Variants in DYM observed in about 807,000 individuals in gnomAD.
DYM encodes the protein dymeclin, also known as dyggve-Melchior-Clausen syndrome protein.
A neutral mutation model predicts 93.1 loss-of-function variants in DYM; 78 were observed. That is an observed-to-expected ratio of 0.84 (90% CI 0.70 to 1.01). DYM has a LOEUF of 1.01. Ranked by LOEUF, DYM falls within the 50% of genes least tolerant of loss-of-function variation. DYM has a pLI of 0.00. For synonymous variants in DYM, 321 were observed against 319.7 expected, an observed-to-expected ratio of 1.00 and a Z score of -0.04; for missense variants, 789 against 845.0, an observed-to-expected ratio of 0.93 and a Z score of 0.82.
chr18:49,292,623 A>G (rs56063220), intron 8 of DYM, among the ~76,000 whole-genome samples: 1 of 73,002 alleles, frequency 1.4e-5, no homozygotes, highest in Admixed American at 1.4e-4. Context: ...AAAAAAAAAA[A>G]AACCCCCACA....
intron 1 of DYM, among the ~76,000 whole-genome samples, chr18:49,446,814 T>C (rs1187653579): frequency 6.6e-6 from 1 of 152,124 alleles, no homozygotes; most frequent in Non-Finnish European, 1.5e-5. Flanking sequence ...ATCCCAGCAC[T>C]TCGGCAGGCC....
At chr18:49,046,717 T>C (rs549641814) in intron 17 of DYM, among the ~76,000 whole-genome samples, 2 of 152,246 alleles carry the variant, frequency 1.3e-5, no homozygotes, top group South Asian at 4.2e-4. Context: ...CTGAGCAACC[T>C]AGCAAGACCC....
chr18:49,176,020 C>G (rs954051541), intron 14 of DYM, among the ~76,000 whole-genome samples: 1 of 151,994 alleles, frequency 6.6e-6, no homozygotes, highest in Non-Finnish European at 1.5e-5. Flanking sequence ...ACTGCATAAT[C>G]AAAAATTATA....
chr18:49,278,099 CT>C (rs1254194717), intron 10 of DYM, among the ~76,000 whole-genome samples: 4 of 152,144 alleles, frequency 2.6e-5, no homozygotes, highest in Non-Finnish European at 4.4e-5. Flanking sequence ...AAAAATTTTC[CT>C]TTTTGATGTT....
intron 17 of DYM, among the ~76,000 whole-genome samples, chr18:49,063,270 T>C (rs1408535021): frequency 6.6e-6 from 1 of 151,894 alleles, no homozygotes; most frequent in East Asian, 1.9e-4. Flanking sequence ...ACCGCAAGAT[T>C]AGGAATTAAT....
chr18:49,107,789 G>C (rs142153098), intron 16 of DYM, among the ~76,000 whole-genome samples: 20 of 152,118 alleles, frequency 1.3e-4, no homozygotes, highest in Non-Finnish European at 2.8e-4. Flanking sequence ...ACGAGTACCC[G>C]GCCGTGTGAA....
chr18:49,366,456 T>G (rs1160052335), intron 5 of DYM, among the ~76,000 whole-genome samples: 1 of 152,236 alleles, frequency 6.6e-6, no homozygotes, highest in Non-Finnish European at 1.5e-5. Context: ...TGTAAAGTTT[T>G]ATAACTTAGA....
chr18:49,086,000 A>G (rs1307437303), intron 17 of DYM, among the ~76,000 whole-genome samples: 3 of 152,192 alleles, frequency 2.0e-5, no homozygotes, highest in African/African-American at 7.2e-5. Flanking sequence ...TATCAAAACT[A>G]ATAGCGGGGA....
At chr18:49,054,062 G>T (rs2075261538) in intron 17 of DYM, among the ~76,000 whole-genome samples, 1 of 152,154 alleles carries the variant, frequency 6.6e-6, no homozygotes, top group Admixed American at 6.5e-5. Context: ...TGAATCATCA[G>T]TTCAGCTAAA....
intron 13 of DYM, among the ~76,000 whole-genome samples, chr18:49,246,906 C>G (rs908357837): frequency 1.3e-5 from 2 of 152,206 alleles, no homozygotes; most frequent in Admixed American, 6.5e-5. Context: ...CCAATGGCAA[C>G]AGAAATTCAT....
At position 49,079,333 on chromosome 18, in the gene DYM, T is replaced by C. The variant is rs994919635; in HGVS notation, c.2025+18069A>G. On this transcript the variant is annotated intron_variant, in intron 17 of 17. Transcript: ENST00000675505. Reference sequence around the variant, plus strand: ...AATGTGTTCCATTTTCTTGATTCTGTGGATGTCGGGACATTTTGGGTTGTA... The same window carrying C: ...AATGTGTTCCATTTTCTTGATTCTGCGGATGTCGGGACATTTTGGGTTGTA... 3.3e-5 allele frequency among the ~76,000 whole-genome samples: 5 copies of C among 152,320 alleles called. No homozygotes were observed. In the East Asian group the frequency reaches 7.7e-4, roughly 24 times the overall value.
At chr18:49,215,159 C>A (rs1275352725) in intron 13 of DYM, among the ~76,000 whole-genome samples, 1 of 152,218 alleles carries the variant, frequency 6.6e-6, no homozygotes, top group Non-Finnish European at 1.5e-5. Flanking sequence ...GAATTCAGTA[C>A]ACAAAGTCTA....
chr18:49,383,650 A>T (rs2068267297), intron 3 of DYM, among the ~76,000 whole-genome samples: 2 of 152,064 alleles, frequency 1.3e-5, no homozygotes, highest in African/African-American at 4.8e-5. Flanking sequence ...CCATCCCCTT[A>T]CTCTGCTTTA....
intron 5 of DYM, among the ~76,000 whole-genome samples, chr18:49,363,500 G>C (rs909749043): frequency 6.6e-6 from 1 of 152,196 alleles, no homozygotes; most frequent in African/African-American, 2.4e-5. Flanking sequence ...TACGCCAGTA[G>C]TTGTCAGATT....
intron 1 of DYM, among the ~76,000 whole-genome samples, chr18:49,438,258 C>G (rs1229188407): frequency 6.6e-6 from 1 of 152,126 alleles, no homozygotes; most frequent in Non-Finnish European, 1.5e-5. Context: ...ACAAGCATAT[C>G]AGGAGAGACA....
intron 14 of DYM, among the ~76,000 whole-genome samples, chr18:49,192,906 G>C (rs1334137882): frequency 6.6e-6 from 1 of 152,168 alleles, no homozygotes; most frequent in Non-Finnish European, 1.5e-5. Flanking sequence ...CAAGGGGGTA[G>C]CGGGGAAAAG....
At position 49,155,579 on chromosome 18, in the gene DYM, T is replaced by TCTAC. The variant is rs549312267; in HGVS notation, c.1728+8102_1728+8105dup. 3.1e-4 allele frequency among the ~76,000 whole-genome samples: 47 copies of TCTAC among 152,362 alleles called. No individual in the cohort carries two copies. In the East Asian group the frequency reaches 6.7e-3, roughly 22 times the overall value. On this transcript the variant is annotated intron_variant, in intron 15 of 17. Coordinates refer to ENST00000675505, the MANE Select transcript of DYM (RefSeq NM_001353214.3). Reference sequence around the variant, plus strand: ...CACTCCAGCCCTAAGGCATCTACTATCTACCTCTATAAGATTTGCCTATTC... The same window carrying TCTAC: ...CACTCCAGCCCTAAGGCATCTACTATCTACCTACCTCTATAAGATTTGCCTATTC...
chr18:49,362,608 C>A (rs572118160), intron 6 of DYM, among the ~76,000 whole-genome samples: 21 of 152,230 alleles, frequency 1.4e-4, no homozygotes, highest in Admixed American at 9.8e-4. Flanking sequence ...TTCCAGACAG[C>A]AGGAGAAAGG....
At chr18:49,270,211 T>C (rs145458794) in intron 11 of DYM, among the ~76,000 whole-genome samples, 7 of 152,280 alleles carry the variant, frequency 4.6e-5, no homozygotes, top group East Asian at 1.9e-4. Context: ...TGCTTCCCAA[T>C]TGTTAAGTAG....
Sources: gnomAD v4.1 joint callset for allele counts (sites outside exome capture counted in the v4.1 genomes callset) on GRCh38, gnomAD v4.1.1 for gene constraint, MANE v1.5 for transcripts, NCBI Gene and HGNC (gene_info 2026-07-23, HGNC 2026-07-21) for gene names.